The following IPCEF1 variants were observed in gnomAD, a reference collection of about 807,000 sequenced individuals.
IPCEF1 encodes interactor protein for cytohesin exchange factors 1.
In IPCEF1, 31 loss-of-function variants were observed where a neutral mutation model predicts 50.9. The observed-to-expected ratio is 0.61, with a 90% CI of 0.46 to 0.82. The LOEUF (loss-of-function observed/expected upper bound fraction) is 0.82, where lower values mean the gene tolerates loss of function less well. Ranked by LOEUF, IPCEF1 falls within the 40% of genes least tolerant of loss-of-function variation. IPCEF1 has a pLI of 0.00. For missense variants in IPCEF1, 458 were observed against 514.0 expected, an observed-to-expected ratio of 0.89 and a Z score of 1.05; for synonymous variants, 181 against 192.0, an observed-to-expected ratio of 0.94 and a Z score of 0.47.
chr6:154,177,000 T>A lies in IPCEF1; in HGVS notation c.911-8887A>T, dbSNP rs562534304. On this transcript the variant is annotated intron_variant, in intron 10 of 11. Transcript: ENST00000367220. Reference sequence around the variant, plus strand: ...AAATAACACCACACATCTACAACCATCTGATCTGACAAACCTGACAAAAAC... The same window carrying A: ...AAATAACACCACACATCTACAACCAACTGATCTGACAAACCTGACAAAAAC... Among the ~76,000 whole-genome samples the A allele has an allele frequency of 2.4e-3, 358 of 152,206 alleles. 1 individual carries two copies. The highest frequency in any genetic ancestry group is 8.5e-3 in the African/African-American group (351 of 41,522).
intron 5 of IPCEF1, among the ~76,000 whole-genome samples, chr6:154,226,648 A>G (rs2128621439): frequency 6.6e-6 from 1 of 152,120 alleles, no homozygotes; most frequent in Admixed American, 6.5e-5. Context: ...CTTCTCTATA[A>G]TTCTGCTGTT....
chr6:154,171,358 G>A (rs1345548753), intron 10 of IPCEF1, among the ~76,000 whole-genome samples: 2 of 152,110 alleles, frequency 1.3e-5, no homozygotes, highest in African/African-American at 4.8e-5. Context: ...AGTAAAAGAA[G>A]CCAGTCACAA....
At chr6:154,201,719 A>G (rs922469323) in intron 9 of IPCEF1, among the ~76,000 whole-genome samples, 2 of 152,010 alleles carry the variant, frequency 1.3e-5, no homozygotes, top group African/African-American at 4.8e-5. Flanking sequence ...ACATGGCGAA[A>G]CCCCGTCTCT....
At chr6:154,260,652 T>C (rs899525865) in intron 3 of IPCEF1, among the ~76,000 whole-genome samples, 19 of 152,088 alleles carry the variant, frequency 1.2e-4, no homozygotes, top group Admixed American at 7.2e-4. Context: ...TTTGTATTTT[T>C]AGTAGAGACG....
chr6:154,255,722 T>C (rs184859931), intron 3 of IPCEF1, among the ~76,000 whole-genome samples: 6 of 152,328 alleles, frequency 3.9e-5, no homozygotes, highest in Admixed American at 1.3e-4. Context: ...TTTATCTCTC[T>C]ATGCTACTTA....
intron 10 of IPCEF1, 74 bp downstream of exon 10, chr6:154,199,594 C>A: frequency 7.0e-7 from 1 of 1,420,792 alleles, no homozygotes. Flanking sequence ...ATTCTTGTTA[C>A]AAATTAATAT....
intron 5 of IPCEF1, among the ~76,000 whole-genome samples, chr6:154,243,965 T>C (rs1160784303): frequency 6.6e-6 from 1 of 152,152 alleles, no homozygotes; most frequent in African/African-American, 2.4e-5. Context: ...AAGTAACAGG[T>C]GGCTCTTCCT....
intron 10 of IPCEF1, among the ~76,000 whole-genome samples, chr6:154,191,215 T>C (rs948957487): frequency 2.6e-5 from 4 of 151,978 alleles, no homozygotes; most frequent in Non-Finnish European, 5.9e-5. Context: ...GTAAAAAAGA[T>C]GAGAGGTTGT....
At chr6:154,187,121 G>A (rs1032583424) in intron 10 of IPCEF1, among the ~76,000 whole-genome samples, 2 of 152,038 alleles carry the variant, frequency 1.3e-5, no homozygotes, top group South Asian at 2.1e-4. Context: ...GTTTTTGCCT[G>A]GAAGACTCTT....
At chr6:154,264,632 C>T (rs1381608655) in intron 3 of IPCEF1, among the ~76,000 whole-genome samples, 1 of 152,120 alleles carries the variant, frequency 6.6e-6, no homozygotes, top group Non-Finnish European at 1.5e-5. Flanking sequence ...CCTCGGCCTG[C>T]CAAAGTGCTG....
chr6:154,324,808 G>T (rs1192071295), intron 1 of IPCEF1, among the ~76,000 whole-genome samples: 3 of 151,590 alleles, frequency 2.0e-5, no homozygotes, highest in Non-Finnish European at 2.9e-5. Flanking sequence ...ATTCTGTCTC[G>T]AAACAAACAA....
At chr6:154,201,840 A>G (rs184966996) in intron 9 of IPCEF1, among the ~76,000 whole-genome samples, 112 of 152,344 alleles carry the variant, frequency 7.4e-4, no homozygotes, top group Non-Finnish European at 1.4e-3. Context: ...AGTTGCAGTG[A>G]GCCAAGATCA....
At chr6:154,164,615 T>C (rs1020553658) in intron 11 of IPCEF1, among the ~76,000 whole-genome samples, 39 of 152,152 alleles carry the variant, frequency 2.6e-4, no homozygotes, top group African/African-American at 9.2e-4. Flanking sequence ...AAAGAGAGAA[T>C]GCTGTACTTT....
At chr6:154,297,711 T>C (rs761149920) in intron 1 of IPCEF1, among the ~76,000 whole-genome samples, 4 of 152,344 alleles carry the variant, frequency 2.6e-5, no homozygotes, top group Admixed American at 6.5e-5. Flanking sequence ...CTTTCTTCTA[T>C]TCATTTTGAA....
At chr6:154,288,496 T>C (rs1782421769) in intron 2 of IPCEF1, among the ~76,000 whole-genome samples, 1 of 151,748 alleles carries the variant, frequency 6.6e-6, no homozygotes, top group Non-Finnish European at 1.5e-5. Context: ...ACCCCTTCTC[T>C]ACTAAAACTA....
Position 154,167,985 on chromosome 6 carries a change from G to C in IPCEF1, c.1039C>G (p.Arg347Gly). The C allele has an allele frequency of 6.2e-7, 1 of 1,610,860 alleles. No homozygotes were observed. ...KKELRKSFVK[R>G]CKNPSINEKL... The stretch of plus-strand genomic sequence containing the variant: ...TCGTTTATAGATGGATTTTTACACC[G>C]CTTAACAAAGGATTTTCTCAACTCC... The change falls in exon 11 of 12, where the codon CGG becomes GGG. Residue 347 changes from arginine to glycine, a missense_variant. Coordinates refer to ENST00000367220, the MANE Select transcript of IPCEF1 (RefSeq NM_001130700.2).
chr6:154,181,611 ACCAAGGCTCAGAT>A (rs1800877870), intron 10 of IPCEF1, among the ~76,000 whole-genome samples: 1 of 152,222 alleles, frequency 6.6e-6, no homozygotes, highest in Non-Finnish European at 1.5e-5. Context: ...AACTGGACAG[ACCAAGGCTCAGAT>A]CCCTGCTTGA....
At chr6:154,210,017 C>T (rs1777839773) in intron 9 of IPCEF1, among the ~76,000 whole-genome samples, 1 of 152,192 alleles carries the variant, frequency 6.6e-6, no homozygotes, top group Non-Finnish European at 1.5e-5. Context: ...AGTATCCCTT[C>T]ATTTATTTAT....
intron 1 of IPCEF1, among the ~76,000 whole-genome samples, chr6:154,305,644 T>G (rs1782912865): frequency 6.6e-6 from 1 of 152,194 alleles, no homozygotes; most frequent in Non-Finnish European, 1.5e-5. Context: ...TTCCTGGGTG[T>G]GACTGTCAGG....
Sources: allele counts gnomAD v4.1 joint callset (sites outside exome capture counted in the v4.1 genomes callset), GRCh38; gene constraint gnomAD v4.1.1; transcripts MANE v1.5; gene names NCBI Gene and HGNC (gene_info 2026-07-23, HGNC 2026-07-21).